Variants in NSUN7 observed in about 807,000 individuals in gnomAD.
NSUN7 encodes protein NSUN7.
In NSUN7, 39 loss-of-function variants were observed where a neutral mutation model predicts 58.5. The ratio of observed to expected loss-of-function variants is 0.67; its 90% confidence interval spans 0.52 to 0.87. NSUN7 has a LOEUF of 0.87. Among genes scored for constraint, NSUN7 ranks in the 40% least tolerant of loss-of-function variants. The pLI is 0.00. For synonymous variants in NSUN7, 278 were observed against 303.7 expected, an observed-to-expected ratio of 0.92 and a Z score of 0.88; for missense variants, 765 against 844.1, an observed-to-expected ratio of 0.91 and a Z score of 1.16.
At position 40,808,647 on chromosome 4, in the gene NSUN7, C is replaced by CT. The variant is rs1467820083; in HGVS notation, c.1867dup (p.Cys623LeufsTer7). 3.9e-6 allele frequency: 6 copies of CT among 1,551,942 alleles called. No individual in the cohort carries two copies. In the African/African-American group the frequency reaches 6.8e-5, roughly 18 times the overall value. ...GCAGTGCCTGCATTTGTGAAGAACA[C>CT]TTGTCCCTCCAGACCGCGTGAACGG... On this transcript the variant is annotated frameshift_variant, in exon 12 of 12. Transcript: ENST00000381782. LOFTEE classifies it low-confidence loss of function (END_TRUNC).
At chr4:40,761,372 C>A in intron 4 of NSUN7, 71 bp downstream of exon 4, 3 of 1,207,918 alleles carry the variant, frequency 2.5e-6, no homozygotes, top group South Asian at 2.7e-5. Context: ...AAATTACATA[C>A]AGTATAATGT....
rs376736606 is a variant in NSUN7, at chr4:40,792,547, C to T, written c.1180+1802C>T. The stretch of plus-strand genomic sequence containing the variant: ...AGGGCGGATCACGAGGTCAGGAGCT[C>T]GAGACCATCCTGGCTAACACGGTGA... On this transcript the variant is annotated intron_variant, in intron 8 of 11. Coordinates refer to ENST00000381782, the MANE Select transcript of NSUN7 (RefSeq NM_024677.6). Among the ~76,000 whole-genome samples the T allele has an allele frequency of 3.0e-4, 46 of 152,072 alleles. 1 individual carries two copies. In the East Asian group the frequency reaches 6.2e-3, roughly 21 times the overall value.
At chr4:40,782,890 G>A (rs1212740473) in intron 7 of NSUN7, among the ~76,000 whole-genome samples, 1 of 151,970 alleles carries the variant, frequency 6.6e-6, no homozygotes, top group East Asian at 1.9e-4. Context: ...AAATAATCAA[G>A]GAAGACATAA....
In NSUN7 at chr4:40,809,072, T is replaced by C; in HGVS notation, c.*133T>C. ...ACCTAGGGATCTTCTAAGTGTGATATTACTTTCAGAGAATTCAGACAAGTG... is the reference window on the plus strand; with the variant it reads ...ACCTAGGGATCTTCTAAGTGTGATACTACTTTCAGAGAATTCAGACAAGTG... On this transcript the variant is annotated 3_prime_UTR_variant, in exon 12 of 12. Transcript: ENST00000381782. 2 of 944,952 alleles carry C rather than the reference T, an allele frequency of 2.1e-6. No homozygotes were observed. Among genetic ancestry groups the C allele is most frequent in the Non-Finnish European group, 3.0e-6 (2 of 660,508 alleles). 58.5% of individuals were successfully genotyped at this position (944,952 alleles called of 1,614,324 possible). A position where few individuals can be genotyped will look rare whatever the true frequency, so the allele number is the denominator to read the frequency against.
intron 4 of NSUN7, among the ~76,000 whole-genome samples, chr4:40,765,087 A>G (rs1423695586): frequency 0.01 from 1,468 of 145,118 alleles, 29 homozygotes; most frequent in African/African-American, 0.035. Flanking sequence ...TAGTTTAATT[A>G]GATCCCATTT....
chr4:40,768,210 T>C (rs1434809968), intron 4 of NSUN7, among the ~76,000 whole-genome samples: 1 of 151,478 alleles, frequency 6.6e-6, no homozygotes, highest in Non-Finnish European at 1.5e-5. Context: ...TTTTCTTTTT[T>C]TTTTTTTTTG....
intron 10 of NSUN7, among the ~76,000 whole-genome samples, chr4:40,804,462 G>C (rs1015933463): frequency 6.6e-6 from 1 of 151,554 alleles, no homozygotes; most frequent in Non-Finnish European, 1.5e-5. Context: ...AATCACTAAT[G>C]GATGCCTAGT....
In NSUN7 at chr4:40,775,239, A is replaced by C. The variant is rs969141398; in HGVS notation, c.825+289A>C. 23 of 173,776 alleles carry C rather than the reference A, an allele frequency of 1.3e-4. No individual in the cohort carries two copies. The highest frequency in any genetic ancestry group is 1.1e-4 in the Non-Finnish European group (9 of 82,914). The allele number at this position is 173,776 out of a possible 1,614,324, so 10.8% of individuals were successfully genotyped here. A position where few individuals can be genotyped will look rare whatever the true frequency, so the allele number is the denominator to read the frequency against. On this transcript the variant is annotated intron_variant, in intron 6 of 11. Coordinates refer to ENST00000381782, the MANE Select transcript of NSUN7 (RefSeq NM_024677.6). The surrounding 1 kb of genome is among the most constrained non-coding windows in gnomAD (Gnocchi z 4.3). ...AGGTTCTACTTTTCTCCCCTAAAGG[A>C]GAATTCAAGAGAAAGTACAATGAGA...
intron 7 of NSUN7, among the ~76,000 whole-genome samples, chr4:40,785,339 A>AAAAGAT (rs1742764569): frequency 6.6e-6 from 1 of 152,140 alleles, no homozygotes; most frequent in Admixed American, 6.5e-5. Flanking sequence ...AAGAAAAAGA[A>AAAAGAT]AAGTAGGAAA....
intron 11 of NSUN7, among the ~76,000 whole-genome samples, chr4:40,807,837 T>C (rs1466621955): frequency 1.3e-5 from 2 of 151,858 alleles, no homozygotes; most frequent in African/African-American, 4.8e-5. Context: ...AGGTCAGGAG[T>C]TCGAGACCAG....
intron 7 of NSUN7, among the ~76,000 whole-genome samples, chr4:40,786,957 C>T (rs983410033): frequency 6.6e-6 from 1 of 151,248 alleles, no homozygotes; most frequent in African/African-American, 2.4e-5. Context: ...TTTGGGGAAG[C>T]CAAGCAAGGA....
At chr4:40,805,922 A>G (rs905791770) in intron 10 of NSUN7, among the ~76,000 whole-genome samples, 2 of 151,948 alleles carry the variant, frequency 1.3e-5, no homozygotes, top group African/African-American at 4.8e-5. Flanking sequence ...GCTAATTGCA[A>G]CCACCACCTC....
intron 4 of NSUN7, among the ~76,000 whole-genome samples, chr4:40,764,620 G>A (rs1741624261): frequency 6.6e-6 from 1 of 152,154 alleles, no homozygotes; most frequent in South Asian, 2.1e-4. Context: ...GGGTCAAATG[G>A]TATTTCTAGT....
chr4:40,810,942 T>TGAAAAGTATTCCA lies in NSUN7; in HGVS notation c.*2004_*2016dup, dbSNP rs1744280092. 6.6e-6 allele frequency: 1 copy of TGAAAAGTATTCCA among 152,182 alleles called. No homozygotes were observed. Among genetic ancestry groups the TGAAAAGTATTCCA allele is most frequent in the Non-Finnish European group, 1.5e-5 (1 of 68,024 alleles). The allele number at this position is 152,182 out of a possible 1,614,324, so 9.4% of individuals were successfully genotyped here. A position where few individuals can be genotyped will look rare whatever the true frequency, so the allele number is the denominator to read the frequency against. On this transcript the variant is annotated 3_prime_UTR_variant, in exon 12 of 12. Transcript: ENST00000381782. ...TTTCGGGCCCTCCACCATACCAGAC[T>TGAAAAGTATTCCA]GAAAAGTATTCCATTGTCCAGAAGT...
chr4:40,798,699 A>G (rs1287031208), intron 9 of NSUN7, 88 bp from the exon 10 acceptor site: 17 of 660,530 alleles, frequency 2.6e-5, no homozygotes, highest in Non-Finnish European at 4.4e-5. Flanking sequence ...ATGTGGTATT[A>G]GTATCAAATA....
In NSUN7 at chr4:40,808,864, A is replaced by G; in HGVS notation, c.2082A>G (p.Ser694=). ...ALVPTCLPTH[S]LSRKEEKPKD... ...TGCCCACCTGCCTTCCCACACACTC[A>G]CTATCCAGAAAAGAGGAAAAGCCTA... The change falls in exon 12 of 12, where the codon TCA becomes TCG. Residue 694 remains serine (S), a synonymous_variant. Coordinates refer to ENST00000381782, the MANE Select transcript of NSUN7 (RefSeq NM_024677.6). 6.5e-7 allele frequency: 1 copy of G among 1,547,940 alleles called. No homozygotes were observed.
intron 9 of NSUN7, among the ~76,000 whole-genome samples, chr4:40,795,317 C>CA (rs894442225): frequency 2.8e-4 from 42 of 151,934 alleles, no homozygotes; most frequent in African/African-American, 1.0e-3. Flanking sequence ...GGAGTAAAAG[C>CA]AAAAAATAAG....
At position 40,808,369 on chromosome 4, in the gene NSUN7, G is replaced by T. The variant is rs1360342980; in HGVS notation, c.1587G>T (p.Leu529=). The T allele has an allele frequency of 1.2e-5, 19 of 1,614,016 alleles. No individual in the cohort carries two copies. The highest frequency in any genetic ancestry group is 1.2e-5 in the Non-Finnish European group (14 of 1,180,034). The change falls in exon 12 of 12, where the codon CTG becomes CTT. Residue 529 remains leucine, a synonymous_variant. Transcript: ENST00000381782. Reference sequence around the variant, plus strand: ...TGGCCCGAGCTGCAGCCAAGGGTCTGCTGGATGGGATTGAGTTGGGTAAAT... The same window carrying T: ...TGGCCCGAGCTGCAGCCAAGGGTCTTCTGGATGGGATTGAGTTGGGTAAAT... ...DVLARAAAKG[L]LDGIELGKSS...
chr4:40,789,769 A>T (rs1742993147), intron 7 of NSUN7, among the ~76,000 whole-genome samples: 1 of 152,218 alleles, frequency 6.6e-6, no homozygotes, highest in Non-Finnish European at 1.5e-5. Context: ...AAGAAAAAAT[A>T]ATTTTAAAAG....
Sources: gnomAD v4.1 joint callset for allele counts (sites outside exome capture counted in the v4.1 genomes callset) on GRCh38, gnomAD v4.1.1 for gene constraint, Gnocchi (gnomAD v3.1) non-coding constraint, MANE v1.5 for transcripts, NCBI Gene and HGNC (gene_info 2026-07-23, HGNC 2026-07-21) for gene names.